Variants in BMPR1A observed in about 807,000 individuals in gnomAD.
BMPR1A encodes the protein bone morphogenetic protein receptor type-1A.
In BMPR1A, 7 loss-of-function variants were observed where a neutral mutation model predicts 66.0. The ratio of observed to expected loss-of-function variants is 0.11; its 90% CI spans 0.06 to 0.20. The LOEUF is 0.20. Among genes scored for constraint, BMPR1A ranks in the 10% least tolerant of loss-of-function variants. The pLI is 1.00. For missense variants in BMPR1A, 408 were observed against 669.1 expected (o/e 0.61, Z 4.31); for synonymous variants, 200 against 229.7 (o/e 0.87, Z 1.17).
In BMPR1A at chr10:86,874,550, C is replaced by T. The variant is rs1842894850; in HGVS notation, c.-152-1317C>T. ...CCTCCTGAGTAGTTGGGACTACAGG[C>T]GCCTGCCACCACACCTGGCTAATTT... is the stretch of plus-strand genomic sequence containing the variant. On this transcript the variant is annotated intron_variant, in intron 2 of 12. Transcript: ENST00000372037. Among the ~76,000 whole-genome samples, 4 of 151,598 alleles carry T rather than the reference C, an allele frequency of 2.6e-5. No homozygotes were observed. In the South Asian group the frequency reaches 6.3e-4, roughly 24 times the overall value.
intron 1 of BMPR1A, among the ~76,000 whole-genome samples, chr10:86,794,808 TTATC>T (rs1440097087): frequency 2.0e-5 from 3 of 150,726 alleles, no homozygotes; most frequent in African/African-American, 4.9e-5. Context: ...AAATTCAAAT[TTATC>T]TATATCTATA....
chr10:86,917,428 T>C, intron 9 of BMPR1A, 102 bp downstream of exon 9: 1 of 1,378,774 alleles, frequency 7.3e-7, no homozygotes, highest in Non-Finnish European at 1.0e-6. Context: ...TTCAACTATA[T>C]ACATTTGGCT....
At chr10:86,771,460 T>TA (rs1274038566) in intron 1 of BMPR1A, among the ~76,000 whole-genome samples, 7 of 152,234 alleles carry the variant, frequency 4.6e-5, no homozygotes, top group African/African-American at 1.7e-4. Context: ...TATTCTATGA[T>TA]ATAGTTACTA....
Position 86,919,210 on chromosome 10 carries a change from A to G in BMPR1A, c.907A>G (p.Thr303Ala), listed in dbSNP as rs1554891025. The change falls in exon 10 of 13, where the codon ACT (threonine) becomes GCT (alanine). Residue 303 changes from threonine (T) to alanine (A), a missense_variant. By Grantham distance (58) the Thr-to-Ala change is moderately conservative. This residue lies in a region of BMPR1A where 174 missense variants were observed against 265.1 expected (regional missense o/e 0.66). Transcript: ENST00000372037. ...AGACATTAAAGGTACAGGTTCCTGG[A>G]CTCAGCTCTATTTGATTACTGATTA... ...AADIKGTGSWTQLYLITDYHE... is the reference protein window; with the variant it reads ...AADIKGTGSWAQLYLITDYHE... The G allele has an allele frequency of 6.2e-7, 1 of 1,613,940 alleles. No individual in the cohort carries two copies. The highest frequency in any genetic ancestry group is 8.5e-7 in the Non-Finnish European group (1 of 1,179,868).
At chr10:86,902,875 T>C (rs779190373) in intron 7 of BMPR1A, among the ~76,000 whole-genome samples, 11 of 152,166 alleles carry the variant, frequency 7.2e-5, no homozygotes, top group Non-Finnish European at 1.6e-4. Flanking sequence ...CAGTGTTTGG[T>C]GCTCACACAA....
At chr10:86,913,289 A>ATTT (rs36002213) in intron 8 of BMPR1A, among the ~76,000 whole-genome samples, 18,283 of 118,672 alleles carry the variant, frequency 0.15, 1,992 homozygotes, top group East Asian at 0.6. Context: ...CACCAGGCTA[A>ATTT]TTTTTTTTTT....
At chr10:86,835,584 A>G (rs1463827161) in intron 1 of BMPR1A, among the ~76,000 whole-genome samples, 1 of 129,594 alleles carries the variant, frequency 7.7e-6, no homozygotes, top group South Asian at 2.7e-4. Context: ...AAAAAAAAAA[A>G]AAAAGGTGTT....
intron 7 of BMPR1A, 149 bp from the exon 8 acceptor site, chr10:86,912,091 A>G (rs1843498198): frequency 2.5e-6 from 2 of 815,604 alleles, no homozygotes; most frequent in Non-Finnish European, 2.0e-6. Context: ...TTCTAGATGT[A>G]TTTAACAGGA....
Position 86,925,472 on chromosome 10 carries a change from T to C in BMPR1A, c.*1753T>C, listed in dbSNP as rs1403474836. 2 of 211,634 alleles carry C rather than the reference T, an allele frequency of 9.5e-6. No homozygotes were observed. Among genetic ancestry groups the C allele is most frequent in the Non-Finnish European group, 1.9e-5 (2 of 104,586 alleles). The allele number at this position is 211,634 out of a possible 1,614,324, so 13.1% of individuals were successfully genotyped here. ...AATTTCACAAATTTGAAAATTGCCT[T>C]AACCATTTTGATTAATAAGTTTCAT... is the stretch of plus-strand genomic sequence containing the variant. On this transcript the variant is annotated 3_prime_UTR_variant, in exon 13 of 13. Transcript: ENST00000372037.
chr10:86,816,124 C>CT (rs1842033110), intron 1 of BMPR1A, among the ~76,000 whole-genome samples: 3 of 152,194 alleles, frequency 2.0e-5, no homozygotes, highest in Admixed American at 6.5e-5. Context: ...TCACTTAGAC[C>CT]TGTGCTGTCT....
At chr10:86,792,532 A>C (rs964504490) in intron 1 of BMPR1A, among the ~76,000 whole-genome samples, 1 of 152,196 alleles carries the variant, frequency 6.6e-6, no homozygotes, top group Non-Finnish European at 1.5e-5. Flanking sequence ...GCAGTGGCTC[A>C]AACCTGTAAT....
chr10:86,893,178 A>T (rs2133415285), intron 5 of BMPR1A, among the ~76,000 whole-genome samples: 1 of 152,056 alleles, frequency 6.6e-6, no homozygotes, highest in East Asian at 1.9e-4. Context: ...CCTTTGTATC[A>T]CTCTGAGACA....
chr10:86,858,628 T>G (rs889456001), intron 2 of BMPR1A, among the ~76,000 whole-genome samples: 5 of 152,190 alleles, frequency 3.3e-5, no homozygotes, highest in African/African-American at 1.2e-4. Context: ...CAAAAATTAG[T>G]AGTGTTTCTA....
chr10:86,757,086 C>T (rs1847883955), intron 1 of BMPR1A, among the ~76,000 whole-genome samples, 167 bp downstream of exon 1: 1 of 151,126 alleles, frequency 6.6e-6, no homozygotes, highest in African/African-American at 2.4e-5. Flanking sequence ...GGGCCGGGAC[C>T]GCCCAGCCAG....
chr10:86,763,871 A>G (rs1165835881), intron 1 of BMPR1A, among the ~76,000 whole-genome samples: 2 of 150,108 alleles, frequency 1.3e-5, no homozygotes, highest in South Asian at 2.1e-4. Context: ...GCTCACTGCA[A>G]GCTCTGCCTC....
chr10:86,896,438 C>T (rs1843225628), intron 5 of BMPR1A, among the ~76,000 whole-genome samples: 1 of 152,004 alleles, frequency 6.6e-6, no homozygotes. Context: ...TAAAGACATA[C>T]AGTTATAGGA....
At chr10:86,909,810 T>G (rs1476847259) in intron 7 of BMPR1A, among the ~76,000 whole-genome samples, 1 of 152,084 alleles carries the variant, frequency 6.6e-6, no homozygotes, top group African/African-American at 2.4e-5. Context: ...ATATAAAATT[T>G]GATACATTTA....
chr10:86,805,002 G>C (rs1216225594), intron 1 of BMPR1A, among the ~76,000 whole-genome samples: 1 of 152,030 alleles, frequency 6.6e-6, no homozygotes, highest in Non-Finnish European at 1.5e-5. Context: ...GGTAGCCTCA[G>C]GCGTTCCTTG....
chr10:86,822,625 C>CT (rs10647119), intron 1 of BMPR1A, among the ~76,000 whole-genome samples: 3 of 151,410 alleles, frequency 2.0e-5, no homozygotes, highest in Non-Finnish European at 3.0e-5. Context: ...TTTTTTTTCC[C>CT]GTTTTTATTT....
Sources: allele counts gnomAD v4.1 joint callset (sites outside exome capture counted in the v4.1 genomes callset), GRCh38; gene constraint gnomAD v4.1.1; regional missense constraint gnomAD v4.1.1; transcripts MANE v1.5; gene names NCBI Gene and HGNC (gene_info 2026-07-23, HGNC 2026-07-21).